PFKFB3: variants seen among roughly 807,000 people sequenced by gnomAD.
PFKFB3 encodes the protein 6-phosphofructo-2-kinase/fructose-2,6-bisphosphatase 3.
PFKFB3 carries 33 observed loss-of-function variants against 68.0 expected under a neutral mutation model. That is an observed-to-expected ratio of 0.49 (90% CI 0.37 to 0.65). The LOEUF (loss-of-function observed/expected upper bound fraction) is 0.65, where lower values mean the gene tolerates loss of function less well. Ranked by LOEUF, PFKFB3 falls within the 30% of genes least tolerant of loss-of-function variation. The pLI, the probability that PFKFB3 is intolerant of heterozygous loss-of-function variation, is 0.00. For synonymous variants in PFKFB3, 315 were observed against 288.2 expected (o/e 1.09, Z -0.94); for missense variants, 586 against 712.2 (o/e 0.82, Z 2.02).
At chr10:6,295,845 T>C in the PFKFB3 span, among the ~76,000 whole-genome samples, 1 of 152,180 alleles carries the variant, frequency 6.6e-6, no homozygotes, top group African/African-American at 2.4e-5. Flanking sequence ...ATCTTCACAA[T>C]GGAGACCTGG....
intron 1 of PFKFB3, among the ~76,000 whole-genome samples, chr10:6,174,189 C>T (rs567641075): frequency 3.1e-4 from 47 of 152,244 alleles, no homozygotes; most frequent in African/African-American, 1.1e-3. Context: ...TGTAAAGTAA[C>T]GGGCTTGGAT....
chr10:6,218,874 C>T (rs538684175), intron 6 of PFKFB3, among the ~76,000 whole-genome samples: 6 of 152,316 alleles, frequency 3.9e-5, no homozygotes, highest in East Asian at 1.9e-4. Context: ...CCGACTGACT[C>T]GATCTTTGAA....
At chr10:6,146,244 G>C (rs1042025271) in intron 1 of PFKFB3, 17 of 1,449,332 alleles carry the variant, frequency 1.2e-5, no homozygotes, top group Admixed American at 4.8e-5. Flanking sequence ...TCAGAGGCAC[G>C]GCCAGCGTGA....
intron 1 of PFKFB3, among the ~76,000 whole-genome samples, chr10:6,153,629 G>A (rs1488884648): frequency 6.6e-6 from 1 of 152,176 alleles, no homozygotes; most frequent in East Asian, 1.9e-4. Context: ...CGAGGCAGGC[G>A]GATCAGTTGG....
chr10:6,146,591 C>T (rs1271699961), intron 1 of PFKFB3: 4 of 1,236,422 alleles, frequency 3.2e-6, no homozygotes, highest in Admixed American at 2.3e-5. Context: ...AATCATTTAT[C>T]TCTGACTTCA....
downstream of PFKFB3, among the ~76,000 whole-genome samples, chr10:6,255,389 G>C (rs1020822372): frequency 1.3e-5 from 2 of 152,250 alleles, no homozygotes; most frequent in African/African-American, 4.8e-5. Flanking sequence ...CTCCCAAAGT[G>C]CTGGGATTAC....
the PFKFB3 span, among the ~76,000 whole-genome samples, chr10:6,312,602 A>G: frequency 1.3e-5 from 2 of 152,232 alleles, no homozygotes; most frequent in Admixed American, 6.5e-5. Context: ...CACCTTCCAG[A>G]AAAAAGATCT....
chr10:6,265,955 G>C, the PFKFB3 span, among the ~76,000 whole-genome samples: 1 of 151,650 alleles, frequency 6.6e-6, no homozygotes, highest in Admixed American at 6.6e-5. Flanking sequence ...CTGTTACGTA[G>C]GTGGGAGTGC....
intron 14 of PFKFB3, chr10:6,254,100 T>A: frequency 3.2e-5 from 1 of 31,446 alleles, no homozygotes; most frequent in Non-Finnish European, 1.8e-4. Flanking sequence ...CAGATGGCTT[T>A]TTTTTTTTTT....
At chr10:6,209,836 C>T (rs1184995713) in intron 1 of PFKFB3, among the ~76,000 whole-genome samples, 3 of 143,906 alleles carry the variant, frequency 2.1e-5, no homozygotes, top group East Asian at 4.1e-4. Context: ...GTGACCTTGG[C>T]TCACTGCAAG....
chr10:6,188,814 T>C (rs1842939404), intron 1 of PFKFB3, among the ~76,000 whole-genome samples: 1 of 145,776 alleles, frequency 6.9e-6, no homozygotes, highest in Non-Finnish European at 1.5e-5. Flanking sequence ...CTCTGACGGA[T>C]TTCCTTCCTT....
chr10:6,186,880 G>A (rs1842879926), intron 1 of PFKFB3, among the ~76,000 whole-genome samples: 1 of 152,182 alleles, frequency 6.6e-6, no homozygotes, highest in Non-Finnish European at 1.5e-5. Context: ...AGATACTGTG[G>A]CTGAGACTGC....
intron 10 of PFKFB3, among the ~76,000 whole-genome samples, 193 bp downstream of exon 10, chr10:6,221,938 AGTGAGAT>A (rs1844992611): frequency 6.6e-6 from 1 of 152,160 alleles, no homozygotes; most frequent in Non-Finnish European, 1.5e-5. Flanking sequence ...CATAAGCAGA[AGTGAGAT>A]GTGTTTCCCT....
rs570551460 is a variant in PFKFB3, at chr10:6,179,919, T to C, written c.17-33704T>C. Among the ~76,000 whole-genome samples the C allele has an allele frequency of 1.0e-3, 153 of 152,198 alleles. 1 individual carries two copies. The highest frequency in any genetic ancestry group is 3.6e-3 in the African/African-American group (149 of 41,514). ...AGTGACACCCAAGCATGTAACTAACTCGAGACCAGGAGCATCCACTGACAA... is the reference window on the plus strand; with the variant it reads ...AGTGACACCCAAGCATGTAACTAACCCGAGACCAGGAGCATCCACTGACAA... On this transcript the variant is annotated intron_variant, in intron 1 of 14. Transcript: ENST00000379789.
chr10:6,309,460 A>G, the PFKFB3 span, among the ~76,000 whole-genome samples: 1 of 152,078 alleles, frequency 6.6e-6, no homozygotes, highest in Admixed American at 6.5e-5. Context: ...CGGCTCTACT[A>G]AAAATACACA....
At chr10:6,173,289 C>G (rs1469574346) in intron 1 of PFKFB3, among the ~76,000 whole-genome samples, 1 of 152,128 alleles carries the variant, frequency 6.6e-6, no homozygotes, top group African/African-American at 2.4e-5. Flanking sequence ...CACAAGAGGT[C>G]GAGGCGCAAC....
At chr10:6,238,477 C>CAAAAAAA (rs71390201), downstream of PFKFB3, among the ~76,000 whole-genome samples, 6 of 89,552 alleles carry the variant, frequency 6.7e-5, no homozygotes, top group Admixed American at 2.1e-4. Flanking sequence ...GGTGCCATCT[C>CAAAAAAA]AAAAAAAAAA....
At chr10:6,162,186 G>A (rs967809858) in intron 1 of PFKFB3, among the ~76,000 whole-genome samples, 6 of 152,164 alleles carry the variant, frequency 3.9e-5, no homozygotes, top group African/African-American at 1.2e-4. Flanking sequence ...AAGTGCTCAC[G>A]GCTCATCCAC....
chr10:6,305,769 C>T, the PFKFB3 span, among the ~76,000 whole-genome samples: 8 of 152,278 alleles, frequency 5.3e-5, no homozygotes, highest in Non-Finnish European at 8.8e-5. Context: ...TTAATCTCTC[C>T]AGAGAATATC....
Sources: gnomAD v4.1 joint callset for allele counts (sites outside exome capture counted in the v4.1 genomes callset) on GRCh38, gnomAD v4.1.1 for gene constraint, MANE v1.5 for transcripts, NCBI Gene and HGNC (gene_info 2026-07-23, HGNC 2026-07-21) for gene names.